GALNT5: variants seen among roughly 807,000 people sequenced by gnomAD.
GALNT5 encodes polypeptide N-acetylgalactosaminyltransferase 5.
GALNT5 carries 72 observed loss-of-function variants against 85.4 expected under a neutral mutation model. The ratio of observed to expected loss-of-function variants is 0.84; its 90% CI spans 0.70 to 1.03. GALNT5 has a LOEUF of 1.03. GALNT5 is among the 50% of genes least tolerant of loss of function. GALNT5 has a pLI of 0.00. For missense variants in GALNT5, 1,137 were observed against 1,135.5 expected, an observed-to-expected ratio of 1.00 and a Z score of -0.02; for synonymous variants, 404 against 397.0, an observed-to-expected ratio of 1.02 and a Z score of -0.21.
At chr2:157,274,813 A>G (rs866640195) in intron 1 of GALNT5, among the ~76,000 whole-genome samples, 1 of 152,096 alleles carries the variant, frequency 6.6e-6, no homozygotes, top group East Asian at 1.9e-4. Flanking sequence ...TTCTTTTGCC[A>G]TGCAGAAGCT....
In GALNT5 at chr2:157,317,196, ATATT is replaced by A. The variant is rs962022051; in HGVS notation, c.*5850_*5853del. 8.3e-5 allele frequency among the ~76,000 whole-genome samples: 11 copies of A among 132,564 alleles called. No individual in the cohort carries two copies. Among genetic ancestry groups the A allele is most frequent in the South Asian group, 2.2e-4 (1 of 4,482 alleles). The allele number at this position is 132,564 out of a possible 152,430, so 87.0% of individuals were successfully genotyped here. On this transcript the variant is annotated 3_prime_UTR_variant, in exon 10 of 10. Coordinates refer to ENST00000259056, the MANE Select transcript of GALNT5 (RefSeq NM_014568.3). The stretch of plus-strand genomic sequence containing the variant: ...TGTGTATATATATATATATATATAT[ATATT>A]TTTTTTTTTGATGCTTTGATCTGGA...
intron 3 of GALNT5, 116 bp from the exon 4 acceptor site, chr2:157,295,547 A>T: frequency 1.6e-6 from 1 of 639,420 alleles, no homozygotes; most frequent in Non-Finnish European, 2.6e-6. Flanking sequence ...AAAAAAAAAA[A>T]GGTCACTGCA....
At chr2:157,271,823 T>C (rs1682591928) in intron 1 of GALNT5, among the ~76,000 whole-genome samples, 1 of 152,108 alleles carries the variant, frequency 6.6e-6, no homozygotes, top group African/African-American at 2.4e-5. Context: ...AGATGGGAAA[T>C]CTGACCTGTA....
At chr2:157,274,192 G>A (rs969127669) in intron 1 of GALNT5, among the ~76,000 whole-genome samples, 2 of 152,186 alleles carry the variant, frequency 1.3e-5, no homozygotes, top group African/African-American at 4.8e-5. Flanking sequence ...TGGTGTATAT[G>A]TGCCATGTTT....
At chr2:157,310,734 G>A (rs1683551542) in intron 9 of GALNT5, among the ~76,000 whole-genome samples, 1 of 152,102 alleles carries the variant, frequency 6.6e-6, no homozygotes, top group African/African-American at 2.4e-5. Context: ...CAGTTATTAT[G>A]AATTGTCAGA....
At chr2:157,277,459 C>T (rs1016004311) in intron 1 of GALNT5, among the ~76,000 whole-genome samples, 1 of 152,114 alleles carries the variant, frequency 6.6e-6, no homozygotes, top group Non-Finnish European at 1.5e-5. Flanking sequence ...GAGTCTAAGT[C>T]TCTTTGTAGA....
intron 6 of GALNT5, among the ~76,000 whole-genome samples, chr2:157,300,411 T>C (rs1406313319): frequency 6.6e-6 from 1 of 152,206 alleles, no homozygotes; most frequent in Admixed American, 6.5e-5. Flanking sequence ...AAAATGGGAT[T>C]CTGTGAAGAT....
rs1408536571 is a variant in GALNT5, at chr2:157,258,889, A to G, written c.807A>G (p.Lys269=). 1 of 1,568,352 alleles carries G rather than the reference A, an allele frequency of 6.4e-7. No homozygotes were observed. The highest frequency in any genetic ancestry group is 2.2e-5 in the East Asian group (1 of 44,546). ...AGAGCAAAGAAGTCAATGCAAATAA[A>G]CACAAAGCCAATACGAGTCTTCCTT... ...KTQSKEVNAN[K]HKANTSLPFP... Residue 269 remains lysine, a synonymous_variant, in exon 1 of 10, where the codon AAA becomes AAG. Coordinates refer to ENST00000259056, the MANE Select transcript of GALNT5 (RefSeq NM_014568.3).
chr2:157,258,650 C>T lies in GALNT5; in HGVS notation c.568C>T (p.Arg190Cys), dbSNP rs1226497432. 13 of 1,613,460 alleles carry T rather than the reference C, an allele frequency of 8.1e-6. No homozygotes were observed. The highest frequency in any genetic ancestry group is 1.1e-5 in the South Asian group (1 of 91,046). The change falls in exon 1 of 10, where the codon CGT becomes TGT. Residue 190 changes from arginine to cysteine, a missense_variant. Arg to Cys is a radical substitution (Grantham distance 180, BLOSUM62 -3). Coordinates refer to ENST00000259056, the MANE Select transcript of GALNT5 (RefSeq NM_014568.3). ...QVVKISVHMGRVSLKQEPRKS... is the reference protein window; with the variant it reads ...QVVKISVHMGCVSLKQEPRKS... ...AGTCAAAATATCAGTACACATGGGA[C>T]GTGTCAGTTTAAAACAGGAGCCCCG...
intron 5 of GALNT5, 152 bp from the exon 6 acceptor site, chr2:157,299,396 A>G: frequency 1.7e-6 from 1 of 593,818 alleles, no homozygotes; most frequent in Non-Finnish European, 3.1e-6. Flanking sequence ...GCATCACTTA[A>G]GCCCTATTTG....
At chr2:157,303,283 G>T (rs925470189) in intron 7 of GALNT5, among the ~76,000 whole-genome samples, 17 of 152,018 alleles carry the variant, frequency 1.1e-4, no homozygotes, top group South Asian at 2.1e-4. Context: ...GAAAGTTTTG[G>T]TTTTTTGTAA....
At chr2:157,305,685 TG>T in intron 7 of GALNT5, 63 bp from the exon 8 acceptor site, 1 of 888,632 alleles carries the variant, frequency 1.1e-6, no homozygotes, top group Middle Eastern at 2.3e-4. Context: ...TTTCTAAATG[TG>T]TCTGAATGTC....
In GALNT5 at chr2:157,296,314, C is replaced by T. The variant is rs145312395; in HGVS notation, c.1878-80C>T. ...AGCACTTGTTTCATTCATTTGATTA[C>T]ATCGTGAAGCCAAATCGATAAAGTA... On this transcript the variant is annotated intron_variant, in intron 4 of 9. Coordinates refer to ENST00000259056, the MANE Select transcript of GALNT5 (RefSeq NM_014568.3). The T allele has an allele frequency of 8.1e-5, 90 of 1,105,796 alleles. No individual in the cohort carries two copies. The East Asian group carries it at 2.1e-3, about 26-fold the overall frequency. 68.5% of individuals were successfully genotyped at this position (1,105,796 alleles called of 1,614,324 possible).
At chr2:157,262,920 G>A (rs923779606) in intron 1 of GALNT5, among the ~76,000 whole-genome samples, 7 of 140,212 alleles carry the variant, frequency 5.0e-5, no homozygotes, top group Non-Finnish European at 1.0e-4. Context: ...CTCCGCCTCC[G>A]GGGTTCACAC....
At chr2:157,310,347 C>A (rs1312088508) in intron 9 of GALNT5, among the ~76,000 whole-genome samples, 1 of 151,976 alleles carries the variant, frequency 6.6e-6, no homozygotes, top group Non-Finnish European at 1.5e-5. Flanking sequence ...ACTAGGTCTC[C>A]CATTATATGT....
intron 7 of GALNT5, among the ~76,000 whole-genome samples, chr2:157,305,079 G>A (rs1683425749): frequency 6.6e-6 from 1 of 152,254 alleles, no homozygotes; most frequent in Non-Finnish European, 1.5e-5. Context: ...GGATGTCAAA[G>A]GGGGAAAGGA....
intron 1 of GALNT5, among the ~76,000 whole-genome samples, chr2:157,261,478 T>G (rs543306545): frequency 6.6e-6 from 1 of 152,316 alleles, no homozygotes; most frequent in South Asian, 2.1e-4. Flanking sequence ...AATTGACACA[T>G]GTGCTTGAGA....
rs1553462999 is a variant in GALNT5 at position 157,290,112 on chromosome 2, T to TACAC, written c.1741+3981_1741+3982insCACA. 2.4e-3 allele frequency among the ~76,000 whole-genome samples: 331 copies of TACAC among 138,074 alleles called. 4 individuals are homozygous for TACAC. Among genetic ancestry groups the TACAC allele is most frequent in the African/African-American group, 1.0e-2 (323 of 32,404 alleles). 90.6% of individuals were successfully genotyped at this position (138,074 alleles called of 152,430 possible). A position where few individuals can be genotyped will look rare whatever the true frequency, so the allele number is the denominator to read the frequency against. ...GTATATATATATATATATATATATATACATACACAAACACATATATACATA... is the reference window on the plus strand; with the variant it reads ...GTATATATATATATATATATATATATACACACATACACAAACACATATATACATA... On this transcript the variant is annotated intron_variant, in intron 3 of 9. Coordinates refer to ENST00000259056, the MANE Select transcript of GALNT5 (RefSeq NM_014568.3).
intron 7 of GALNT5, among the ~76,000 whole-genome samples, chr2:157,305,382 C>A (rs1268573694): frequency 2.0e-5 from 3 of 152,158 alleles, no homozygotes; most frequent in African/African-American, 7.2e-5. Flanking sequence ...GCTCATAACT[C>A]TTATAGGTGC....
Sources: gnomAD v4.1 joint callset for allele counts (sites outside exome capture counted in the v4.1 genomes callset) on GRCh38, gnomAD v4.1.1 for gene constraint, MANE v1.5 for transcripts, NCBI Gene and HGNC (gene_info 2026-07-23, HGNC 2026-07-21) for gene names.